Variants in CNBD1 observed in about 807,000 individuals in gnomAD.
The protein encoded by CNBD1 is cyclic nucleotide binding domain containing 1, also known as cyclic nucleotide-binding domain-containing protein 1.
A neutral mutation model predicts 54.4 loss-of-function variants in CNBD1; 71 were observed. The ratio of observed to expected loss-of-function variants is 1.30; its 90% CI spans 1.08 to 1.59. The LOEUF (loss-of-function observed/expected upper bound fraction) is 1.59, where lower values mean the gene tolerates loss of function less well. CNBD1 is among the 40% of genes most tolerant of loss of function. The pLI is 0.00. For synonymous variants in CNBD1, 182 were observed against 170.7 expected, an observed-to-expected ratio of 1.07 and a Z score of -0.51; for missense variants, 659 against 518.0, an observed-to-expected ratio of 1.27 and a Z score of -2.64.
At chr8:86,899,116 T>TC (rs1357893136) in intron 2 of CNBD1, among the ~76,000 whole-genome samples, 1 of 128,294 alleles carries the variant, frequency 7.8e-6, no homozygotes. Context: ...ATATGTGAAA[T>TC]TTAAAAAAAC....
intron 3 of CNBD1, among the ~76,000 whole-genome samples, chr8:86,925,249 T>C (rs2131828571): frequency 6.6e-6 from 1 of 152,286 alleles, no homozygotes; most frequent in Non-Finnish European, 1.5e-5. Context: ...AATTTACCCA[T>C]AGTTATTTCC....
chr8:86,907,850 A>G (rs1370479734), intron 3 of CNBD1, among the ~76,000 whole-genome samples: 5 of 152,206 alleles, frequency 3.3e-5, no homozygotes, highest in Non-Finnish European at 7.3e-5. Context: ...AATCCAAGAA[A>G]TTTTTAAAGG....
At chr8:87,033,108 A>C (rs1447849575) in intron 4 of CNBD1, among the ~76,000 whole-genome samples, 1 of 152,190 alleles carries the variant, frequency 6.6e-6, no homozygotes, top group Non-Finnish European at 1.5e-5. Context: ...GATGACCTTT[A>C]CAGCTTTTTA....
At chr8:86,907,751 G>T (rs1469035638) in intron 3 of CNBD1, among the ~76,000 whole-genome samples, 3 of 151,848 alleles carry the variant, frequency 2.0e-5, no homozygotes, top group Non-Finnish European at 4.4e-5. Context: ...AGAAAATTGT[G>T]AATTTTCTTC....
At chr8:87,151,747 A>AT (rs1231937056) in intron 4 of CNBD1, among the ~76,000 whole-genome samples, 4 of 149,700 alleles carry the variant, frequency 2.7e-5, no homozygotes, top group Non-Finnish European at 5.9e-5. Context: ...AGATAATTAA[A>AT]TGCATATTAA....
chr8:87,206,648 G>A (rs964256720), intron 5 of CNBD1, among the ~76,000 whole-genome samples: 1 of 152,174 alleles, frequency 6.6e-6, no homozygotes, highest in Non-Finnish European at 1.5e-5. Context: ...TCTCTAGATA[G>A]ATTTTCATTT....
chr8:86,903,105 C>T (rs1219339905), intron 2 of CNBD1, among the ~76,000 whole-genome samples: 1 of 152,056 alleles, frequency 6.6e-6, no homozygotes, highest in African/African-American at 2.4e-5. Flanking sequence ...TAGCATTTGA[C>T]TCTTCCATTT....
chr8:86,952,171 A>G (rs535861258), intron 4 of CNBD1, among the ~76,000 whole-genome samples: 1 of 152,236 alleles, frequency 6.6e-6, no homozygotes, highest in Admixed American at 6.5e-5. Flanking sequence ...ACACATATTG[A>G]TTGATGTCTC....
intron 4 of CNBD1, among the ~76,000 whole-genome samples, chr8:87,205,259 C>T (rs932583436): frequency 1.3e-5 from 2 of 152,120 alleles, no homozygotes; most frequent in Non-Finnish European, 2.9e-5. Flanking sequence ...GTCTTGATCT[C>T]CTGACCTCGT....
At chr8:87,386,244 C>T (rs370791695), downstream of CNBD1, among the ~76,000 whole-genome samples, 77 of 152,192 alleles carry the variant, frequency 5.1e-4, no homozygotes, top group East Asian at 5.2e-3. Context: ...TCACCAGCAA[C>T]GGAACAAAGC....
At chr8:87,248,953 C>T (rs1030999162) in intron 6 of CNBD1, among the ~76,000 whole-genome samples, 1 of 152,120 alleles carries the variant, frequency 6.6e-6, no homozygotes, top group Non-Finnish European at 1.5e-5. Context: ...TTAAAGCCTG[C>T]CACCAGATGC....
At chr8:87,037,963 C>T (rs1188025956) in intron 4 of CNBD1, among the ~76,000 whole-genome samples, 1 of 152,190 alleles carries the variant, frequency 6.6e-6, no homozygotes, top group Non-Finnish European at 1.5e-5. Flanking sequence ...TTAGTATAAA[C>T]TTTCAGTCTC....
chr8:87,337,293 T>G (rs66848476), intron 8 of CNBD1, among the ~76,000 whole-genome samples: 24,515 of 152,078 alleles, frequency 0.16, 2,687 homozygotes, highest in African/African-American at 0.32. Flanking sequence ...TTATCAGAGC[T>G]AGGAGGAGGA....
At chr8:87,244,042 G>T (rs748666798) in intron 6 of CNBD1, among the ~76,000 whole-genome samples, 4 of 152,058 alleles carry the variant, frequency 2.6e-5, no homozygotes, top group African/African-American at 9.7e-5. Flanking sequence ...TTAAACATGC[G>T]CACCCATGAA....
intron 4 of CNBD1, among the ~76,000 whole-genome samples, chr8:87,081,511 G>GTTTT (rs530640699): frequency 7.1e-6 from 1 of 140,272 alleles, no homozygotes; most frequent in Non-Finnish European, 1.5e-5. Flanking sequence ...TTTTGTTTTT[G>GTTTT]TTTTTTTTTT....
At chr8:87,393,451 C>T (rs114720767) in intron 2 of CNBD1, among the ~76,000 whole-genome samples, 2,866 of 151,948 alleles carry the variant, frequency 0.019, 91 homozygotes, top group African/African-American at 0.062. Context: ...TTAGTCATTG[C>T]ATTTTATTCA....
chr8:86,922,967 A>T (rs1809299746), intron 3 of CNBD1, among the ~76,000 whole-genome samples: 1 of 152,290 alleles, frequency 6.6e-6, no homozygotes, highest in African/African-American at 2.4e-5. Context: ...AGAACATTTT[A>T]AAAAAGAACT....
At chr8:87,201,673 G>A (rs1306026633) in intron 4 of CNBD1, among the ~76,000 whole-genome samples, 1 of 152,080 alleles carries the variant, frequency 6.6e-6, no homozygotes, top group East Asian at 1.9e-4. Context: ...AAATGTACAA[G>A]ACTTGTACAC....
intron 3 of CNBD1, among the ~76,000 whole-genome samples, chr8:86,908,133 A>G (rs558615479): frequency 9.2e-5 from 14 of 152,324 alleles, no homozygotes; most frequent in African/African-American, 3.4e-4. Context: ...GCTACATAGA[A>G]ATGTTAAGTC....
Sources: allele counts gnomAD v4.1 joint callset (sites outside exome capture counted in the v4.1 genomes callset), GRCh38; gene constraint gnomAD v4.1.1; transcripts MANE v1.5; gene names NCBI Gene and HGNC (gene_info 2026-07-23, HGNC 2026-07-21).